GNAO1: variants seen among roughly 807,000 people sequenced by gnomAD.
GNAO1 encodes G protein subunit alpha o1.
For missense variants in GNAO1, 166 were observed against 478.7 expected, an observed-to-expected ratio of 0.35 and a Z score of 6.10; for synonymous variants, 164 against 180.7, an observed-to-expected ratio of 0.91 and a Z score of 0.74.
intron 2 of GNAO1, among the ~76,000 whole-genome samples, chr16:56,203,739 A>G (rs1460739795): frequency 6.6e-6 from 1 of 152,204 alleles, no homozygotes; most frequent in Non-Finnish European, 1.5e-5. Flanking sequence ...GATCACGCTG[A>G]CGAAAAGCAC....
intron 2 of GNAO1, among the ~76,000 whole-genome samples, chr16:56,251,692 C>T (rs2036801252): frequency 6.6e-6 from 1 of 152,176 alleles, no homozygotes; most frequent in Non-Finnish European, 1.5e-5. Context: ...AAACCATTGC[C>T]CACTAATAGT....
intron 3 of GNAO1, among the ~76,000 whole-genome samples, chr16:56,324,582 G>A (rs1456186683): frequency 1.3e-5 from 2 of 152,214 alleles, no homozygotes; most frequent in African/African-American, 4.8e-5. Context: ...TTAGCCCCAG[G>A]TGGAGGCGCC....
chr16:56,329,479 A>G, intron 4 of GNAO1, among the ~76,000 whole-genome samples: 1 of 151,740 alleles, frequency 6.6e-6, no homozygotes, highest in Non-Finnish European at 1.5e-5. Context: ...TCACAGGTCC[A>G]CTGGCTGCAG....
intron 3 of GNAO1, among the ~76,000 whole-genome samples, chr16:56,316,967 G>C (rs1415951451): frequency 2.0e-5 from 3 of 152,224 alleles, no homozygotes; most frequent in Admixed American, 2.0e-4. Context: ...CAGGGCCTCA[G>C]AGGACTTGGG....
chr16:56,238,832 C>T (rs144812499), intron 2 of GNAO1, among the ~76,000 whole-genome samples: 26 of 152,274 alleles, frequency 1.7e-4, no homozygotes, highest in African/African-American at 5.1e-4. Context: ...TTACTCAGAG[C>T]GAATCATAAT....
Position 56,351,307 on chromosome 16 carries a change from A to G in GNAO1, c.724-77A>G. 9 of 1,005,600 alleles carry G rather than the reference A, an allele frequency of 8.9e-6. No individual in the cohort carries two copies. Among genetic ancestry groups the G allele is most frequent in the Non-Finnish European group, 1.4e-5 (9 of 657,230 alleles). The allele number at this position is 1,005,600 out of a possible 1,614,324, so 62.3% of individuals were successfully genotyped here. On this transcript the variant is annotated intron_variant, in intron 6 of 8. Transcript: ENST00000262493. This position sits in a 1 kb window ranked among gnomAD's most constrained non-coding sequence, Gnocchi z 6.1. ...GCCCAGTCCCTCTCTGTCAAGCCTA[A>G]TTCTCTCCTTCTCTTTCCCTGTCTC...
At chr16:56,310,723 A>G (rs1407133646) in intron 3 of GNAO1, among the ~76,000 whole-genome samples, 1 of 152,254 alleles carries the variant, frequency 6.6e-6, no homozygotes, top group East Asian at 1.9e-4. Flanking sequence ...AGAATGTGTT[A>G]GTAAGGGTGC....
intron 3 of GNAO1, among the ~76,000 whole-genome samples, chr16:56,325,716 A>C (rs2037624895): frequency 6.6e-6 from 1 of 152,060 alleles, no homozygotes; most frequent in Non-Finnish European, 1.5e-5. Flanking sequence ...TGGGCCTGGT[A>C]GTAGTCAGGG....
At chr16:56,293,520 G>T (rs1429086459) in intron 3 of GNAO1, among the ~76,000 whole-genome samples, 1 of 152,196 alleles carries the variant, frequency 6.6e-6, no homozygotes, top group Non-Finnish European at 1.5e-5. Context: ...TCTGTGTGCA[G>T]ACAGTGTGCC....
intron 3 of GNAO1, among the ~76,000 whole-genome samples, chr16:56,320,461 G>A (rs1488498573): frequency 6.6e-6 from 1 of 152,344 alleles, no homozygotes; most frequent in African/African-American, 2.4e-5. Flanking sequence ...TCAGAAAGAT[G>A]ATACCCCTTG....
At chr16:56,240,459 G>A (rs1345228196) in intron 2 of GNAO1, among the ~76,000 whole-genome samples, 1 of 152,174 alleles carries the variant, frequency 6.6e-6, no homozygotes, top group East Asian at 1.9e-4. Context: ...CACTTTCCTA[G>A]AACTGCTTGG....
intron 2 of GNAO1, chr16:56,213,283 G>A (rs2036407597): frequency 2.5e-6 from 1 of 398,246 alleles, no homozygotes; most frequent in African/African-American, 2.1e-5. Flanking sequence ...TATCCATTGA[G>A]CTTCTACTCT....
At chr16:56,228,863 G>A (rs2036560046) in intron 2 of GNAO1, among the ~76,000 whole-genome samples, 1 of 152,218 alleles carries the variant, frequency 6.6e-6, no homozygotes, top group Admixed American at 6.5e-5. Context: ...TCTTAAAAGT[G>A]CGTAGTGCTA....
chr16:56,328,526 T>C lies in GNAO1; in HGVS notation c.304-105T>C, dbSNP rs376816681. The C allele has an allele frequency of 1.7e-3, 2,018 of 1,172,756 alleles. 33 individuals are homozygous for C. The African/African-American group carries it at 0.023, about 13-fold the overall frequency. 72.6% of individuals were successfully genotyped at this position (1,172,756 alleles called of 1,614,324 possible). On this transcript the variant is annotated intron_variant, in intron 3 of 8. Coordinates refer to ENST00000262493, the MANE Select transcript of GNAO1 (RefSeq NM_020988.3). ...GGGCTGAGCTGCGGTCCTGCTGCAC[T>C]GGCTGGGCTCTCATCACAGTCCCCG...
chr16:56,235,182 T>A (rs1025042555), intron 2 of GNAO1: 2 of 383,724 alleles, frequency 5.2e-6, no homozygotes, highest in Non-Finnish European at 1.0e-5. Context: ...GGCTGGTGAT[T>A]GAGACAAGTT....
chr16:56,276,123 C>T (rs1450643584), intron 3 of GNAO1, 51 bp downstream of exon 3: 8 of 1,514,010 alleles, frequency 5.3e-6, no homozygotes, highest in Non-Finnish European at 7.2e-6. Flanking sequence ...GTCTGTGTTA[C>T]CCCACTGCCT....
At chr16:56,264,331 C>A (rs1246730712) in intron 2 of GNAO1, among the ~76,000 whole-genome samples, 1 of 152,248 alleles carries the variant, frequency 6.6e-6, no homozygotes, top group Admixed American at 6.5e-5. Context: ...CTGAGCATTA[C>A]GCTGCCGCTG....
intron 3 of GNAO1, among the ~76,000 whole-genome samples, chr16:56,289,678 C>T (rs2037211083): frequency 6.6e-6 from 1 of 152,158 alleles, no homozygotes; most frequent in South Asian, 2.1e-4. Flanking sequence ...GCATACGGCG[C>T]AGGCTTGAGG....
chr16:56,343,082 A>G (rs1294257176), intron 6 of GNAO1, among the ~76,000 whole-genome samples: 6 of 151,924 alleles, frequency 3.9e-5, no homozygotes, highest in Non-Finnish European at 7.4e-5. Flanking sequence ...TGGGCGACAG[A>G]ACAAGACTCC....
Sources: gnomAD v4.1 joint callset for allele counts (sites outside exome capture counted in the v4.1 genomes callset) on GRCh38, gnomAD v4.1.1 for gene constraint, Gnocchi (gnomAD v3.1) non-coding constraint, MANE v1.5 for transcripts, NCBI Gene and HGNC (gene_info 2026-07-23, HGNC 2026-07-21) for gene names.